Variants in NFASC observed in about 807,000 individuals in gnomAD.
The protein encoded by NFASC is neurofascin homolog.
Under a neutral mutation model 147.5 loss-of-function variants are expected in NFASC, and 43 were observed. The ratio of observed to expected loss-of-function variants is 0.29; its 90% CI spans 0.23 to 0.38. The LOEUF is 0.38. Among genes scored for constraint, NFASC ranks in the 10% least tolerant of loss-of-function variants. The pLI is 1.00. For missense variants in NFASC, 1,320 were observed against 1,689.0 expected, an observed-to-expected ratio of 0.78 and a Z score of 3.83; for synonymous variants, 622 against 665.5, an observed-to-expected ratio of 0.93 and a Z score of 1.01.
intron 12 of NFASC, 132 bp downstream of exon 12, chr1:204,973,551 G>A: frequency 1.7e-6 from 2 of 1,150,196 alleles, no homozygotes; most frequent in Non-Finnish European, 2.4e-6. Flanking sequence ...AGAGGATGTT[G>A]GATAGGGGAA....
chr1:204,936,194 C>CTTTTTTTTTTTTTTTTTTTT lies in NFASC; in HGVS notation c.-90-8029_-90-8028insTTTTTTTTTTTTTTTTTTTT, dbSNP rs1288327632. 7.8e-5 allele frequency among the ~76,000 whole-genome samples: 5 copies of CTTTTTTTTTTTTTTTTTTTT among 63,814 alleles called. 2 individuals carry two copies. The allele number at this position is 63,814 out of a possible 152,430, so 41.9% of individuals were successfully genotyped here. Reference sequence around the variant, plus strand: ...GCATTAACAGATTCCCTCTCTCTCTCTTTCTTTTTCTTTTTTTTTTTTTTT... The same window carrying CTTTTTTTTTTTTTTTTTTTT: ...GCATTAACAGATTCCCTCTCTCTCTCTTTTTTTTTTTTTTTTTTTTTTTCTTTTTCTTTTTTTTTTTTTTT... On this transcript the variant is annotated intron_variant, in intron 2 of 29. Coordinates refer to ENST00000339876, the MANE Select transcript of NFASC (RefSeq NM_001005388.3).
rs1428327639 is a variant in NFASC, at chr1:204,987,401, TCTC to T, written c.2471-11_2471-9del. ...CCCCTCCCCCTCATCTCCCCTGCTC[TCTC>T]CTCCTTCCCCAAGTACCCAGTGCCC... On this transcript the variant is annotated splice_polypyrimidine_tract_variant and intron_variant, in intron 21 of 29. Transcript: ENST00000339876. This position sits in a 1 kb window ranked among gnomAD's most constrained non-coding sequence, Gnocchi z 4.4. The T allele has an allele frequency of 4.4e-6, 7 of 1,604,298 alleles. No individual in the cohort carries two copies. The highest frequency in any genetic ancestry group is 1.7e-5 in the Admixed American group (1 of 59,736).
chr1:204,962,107 G>T, intron 8 of NFASC: 2 of 1,612,884 alleles, frequency 1.2e-6, no homozygotes, highest in South Asian at 2.2e-5. Flanking sequence ...GTTTGTTACA[G>T]ACCACCCTTA....
chr1:204,880,914 T>C (rs1359959212), intron 1 of NFASC, among the ~76,000 whole-genome samples: 1 of 152,236 alleles, frequency 6.6e-6, no homozygotes, highest in Non-Finnish European at 1.5e-5. Flanking sequence ...TGAAAGTGGA[T>C]GAGGACACGT....
intron 20 of NFASC, among the ~76,000 whole-genome samples, chr1:204,981,464 A>G (rs1392279317): frequency 6.6e-6 from 1 of 152,222 alleles, no homozygotes; most frequent in African/African-American, 2.4e-5. Context: ...TTTTGTCTAT[A>G]TTTTGCTTTA....
intron 1 of NFASC, among the ~76,000 whole-genome samples, chr1:204,882,544 GCA>G (rs1156695457): frequency 6.6e-6 from 1 of 151,912 alleles, no homozygotes; most frequent in Non-Finnish European, 1.5e-5. Context: ...TTTCTTCATA[GCA>G]CTTCCCCACT....
At chr1:204,972,143 C>T (rs927711828) in intron 11 of NFASC, among the ~76,000 whole-genome samples, 2 of 152,206 alleles carry the variant, frequency 1.3e-5, no homozygotes, top group East Asian at 3.8e-4. Flanking sequence ...GCTGATTCCC[C>T]GGTTCTGGGC....
chr1:204,920,781 G>T, intron 2 of NFASC, 41 bp downstream of exon 2: 1 of 992,654 alleles, frequency 1.0e-6, no homozygotes, highest in Non-Finnish European at 1.4e-6. Flanking sequence ...CATTGGAGGG[G>T]TGAGAATGAG....
intron 27 of NFASC, among the ~76,000 whole-genome samples, chr1:205,008,180 C>T (rs2096173098): frequency 6.6e-6 from 1 of 152,124 alleles, no homozygotes; most frequent in South Asian, 2.1e-4. Context: ...TCACCCCGTA[C>T]TGGGAACTTT....
chr1:205,001,095 GTGTA>G (rs2095973882), intron 25 of NFASC, 71 bp from the exon 26 acceptor site: 1 of 828,994 alleles, frequency 1.2e-6, no homozygotes, highest in Middle Eastern at 2.9e-4. Flanking sequence ...ACACGCTTGT[GTGTA>G]TGTGTGTGTC....
At chr1:204,980,554 C>A in intron 20 of NFASC, 114 bp downstream of exon 20, 1 of 800,050 alleles carries the variant, frequency 1.2e-6, no homozygotes, top group Non-Finnish European at 2.0e-6. Flanking sequence ...GACTCTCTGG[C>A]TGGTCTTGGT....
At chr1:204,971,623 A>G (rs1460557368) in intron 11 of NFASC, among the ~76,000 whole-genome samples, 1 of 152,146 alleles carries the variant, frequency 6.6e-6, no homozygotes, top group Non-Finnish European at 1.5e-5. Flanking sequence ...GCTGCACTCC[A>G]TTGTTGCTTT....
intron 2 of NFASC, among the ~76,000 whole-genome samples, chr1:204,935,025 A>G (rs752478805): frequency 4.6e-5 from 7 of 152,210 alleles, no homozygotes; most frequent in Non-Finnish European, 7.3e-5. Context: ...GAAACAGACA[A>G]TTAATTGACA....
chr1:204,897,662 C>G (rs1287233902), intron 1 of NFASC, among the ~76,000 whole-genome samples: 1 of 151,918 alleles, frequency 6.6e-6, no homozygotes, highest in Non-Finnish European at 1.5e-5. Context: ...CAGCCTCAAC[C>G]TCCTGGGTTC....
chr1:204,908,742 C>T (rs920440986), intron 1 of NFASC, among the ~76,000 whole-genome samples: 4 of 152,148 alleles, frequency 2.6e-5, no homozygotes, highest in Non-Finnish European at 5.9e-5. Flanking sequence ...CCATTAATCA[C>T]TTCTCCATAA....
In NFASC at chr1:205,010,363, G is replaced by A. The variant is rs574830451; in HGVS notation, c.3421+675G>A. 2 of 152,090 alleles carry A rather than the reference G, an allele frequency of 1.3e-5. No homozygotes were observed. The highest frequency in any genetic ancestry group is 2.9e-5 in the Non-Finnish European group (2 of 68,092). 9.4% of individuals were successfully genotyped at this position (152,090 alleles called of 1,614,324 possible). On this transcript the variant is annotated intron_variant, in intron 28 of 29. Coordinates refer to ENST00000339876, the MANE Select transcript of NFASC (RefSeq NM_001005388.3). This position sits in a 1 kb window ranked among gnomAD's most constrained non-coding sequence, Gnocchi z 4.1. ...TCCCAGCACTTCGGGAGGCCAAGGT[G>A]AGCAGGTCACTTAAGGTCAGGAGTT... is the stretch of plus-strand genomic sequence containing the variant.
rs1043139762 is a variant in NFASC, at chr1:204,954,245, C to T, written c.273C>T (p.Ser91=). The change falls in exon 6 of 30, where the codon TCC becomes TCT. Residue 91 remains serine (S), a synonymous_variant. Coordinates refer to ENST00000339876, the MANE Select transcript of NFASC (RefSeq NM_001005388.3). This position sits in a 1 kb window ranked among gnomAD's most constrained non-coding sequence, Gnocchi z 5.7. ...FFNIAKDPRV[S]MRRRSGTLVI... ...ACATCGCCAAGGACCCCCGGGTGTC[C>T]ATGAGGAGGAGGTCTGGGACCCTGG... is the stretch of plus-strand genomic sequence containing the variant. 1.2e-6 allele frequency: 2 copies of T among 1,614,072 alleles called. No individual in the cohort carries two copies. Among genetic ancestry groups the T allele is most frequent in the African/African-American group, 1.3e-5 (1 of 74,930 alleles).
intron 27 of NFASC, chr1:205,008,671 A>G (rs2595968): frequency 0.68 from 103,613 of 152,438 alleles, 35,651 homozygotes; most frequent in Non-Finnish European, 0.71. Context: ...CCTGTACTTC[A>G]GGCCGTCCTG....
intron 1 of NFASC, among the ~76,000 whole-genome samples, chr1:204,888,534 G>A (rs2081777042): frequency 2.6e-5 from 4 of 152,140 alleles, no homozygotes; most frequent in Admixed American, 2.6e-4. Flanking sequence ...GCTGACTCAG[G>A]TTGACTGGAA....
Sources: allele counts gnomAD v4.1 joint callset (sites outside exome capture counted in the v4.1 genomes callset), GRCh38; gene constraint gnomAD v4.1.1; non-coding constraint Gnocchi (gnomAD v3.1); transcripts MANE v1.5; gene names NCBI Gene and HGNC (gene_info 2026-07-23, HGNC 2026-07-21).